The following KIF3B variants were observed in gnomAD, a reference collection of about 807,000 sequenced individuals.
KIF3B encodes kinesin family member 3B.
KIF3B carries 38 observed loss-of-function variants against 74.3 expected under a neutral mutation model. The observed-to-expected ratio is 0.51, with a 90% confidence interval of 0.39 to 0.67. The LOEUF (loss-of-function observed/expected upper bound fraction) is 0.67. KIF3B is among the 30% of genes least tolerant of loss of function. The probability of loss-of-function intolerance (pLI) is 0.00; values close to 1 mark genes in which losing one functional copy is unlikely to be tolerated. For synonymous variants in KIF3B, 326 were observed against 342.5 expected (o/e 0.95, Z 0.53); for missense variants, 649 against 932.0 (o/e 0.70, Z 3.95).
chr20:32,320,520 G>GT (rs779283206), intron 5 of KIF3B, among the ~76,000 whole-genome samples: 5,418 of 135,238 alleles, frequency 0.04, 292 homozygotes, highest in African/African-American at 0.13. Flanking sequence ...TGTTTTGTTA[G>GT]TTTTTTTTTT....
rs184538709 is a variant in KIF3B, at chr20:32,307,016, C to T, written c.-65-2697C>T. 7.8e-4 allele frequency among the ~76,000 whole-genome samples: 118 copies of T among 152,210 alleles called. 1 individual carries two copies. Among genetic ancestry groups the T allele is most frequent in the African/African-American group, 2.7e-3 (112 of 41,530 alleles). On this transcript the variant is annotated intron_variant, in intron 1 of 8. Coordinates refer to ENST00000375712, the MANE Select transcript of KIF3B (RefSeq NM_004798.4). ...GTATTCATATCAAGCATATAACATGCATATATCCCCCCTTTTCTTATGTAA... is the reference window on the plus strand; with the variant it reads ...GTATTCATATCAAGCATATAACATGTATATATCCCCCCTTTTCTTATGTAA...
rs533318359 is a variant in KIF3B, at chr20:32,277,663, C to A, written c.-168C>A. 2 of 236,718 alleles carry A rather than the reference C, an allele frequency of 8.4e-6. No individual in the cohort carries two copies. The highest frequency in any genetic ancestry group is 1.0e-4 in the East Asian group (1 of 9,746). 14.7% of individuals were successfully genotyped at this position (236,718 alleles called of 1,614,324 possible). On this transcript the variant is annotated 5_prime_UTR_variant, in exon 1 of 9. Transcript: ENST00000375712. ...GAAGTGAGCGGCCACTGTCTCTCCC[C>A]ATCCGGGGCAGCGGGGAATGGCTGA...
chr20:32,289,738 AG>A (rs1277726212), intron 1 of KIF3B, among the ~76,000 whole-genome samples: 1 of 152,224 alleles, frequency 6.6e-6, no homozygotes, highest in African/African-American at 2.4e-5. Flanking sequence ...AAAAACGTTA[AG>A]TAAATAATAG....
chr20:32,322,670 A>ATT lies in KIF3B; in HGVS notation c.1749-4099_1749-4098dup, dbSNP rs1398367777. On this transcript the variant is annotated intron_variant, in intron 5 of 8. Coordinates refer to ENST00000375712, the MANE Select transcript of KIF3B (RefSeq NM_004798.4). ...TATATTTTTATATATTTATATATAT[A>ATT]TTTATATATTTATATATATTTATAT... Among the ~76,000 whole-genome samples the ATT allele has an allele frequency of 1.2e-4, 6 of 51,970 alleles. 1 individual carries two copies. The African/African-American group carries it at 1.2e-3, about 11-fold the overall frequency. 34.1% of individuals were successfully genotyped at this position (51,970 alleles called of 152,430 possible).
intron 5 of KIF3B, among the ~76,000 whole-genome samples, chr20:32,322,974 A>ACATATT (rs1249442558): frequency 5.0e-4 from 7 of 13,904 alleles, no homozygotes; most frequent in Non-Finnish European, 6.2e-4. Flanking sequence ...ATTTATATAT[A>ACATATT]TACACATATT....
chr20:32,285,071 A>T (rs2047661076), intron 1 of KIF3B, among the ~76,000 whole-genome samples: 1 of 144,846 alleles, frequency 6.9e-6, no homozygotes, highest in South Asian at 2.3e-4. Context: ...TCTCTTCCAT[A>T]CCTGCATAAC....
chr20:32,285,925 A>C (rs528958833), intron 1 of KIF3B, among the ~76,000 whole-genome samples: 25 of 152,336 alleles, frequency 1.6e-4, no homozygotes, highest in Middle Eastern at 6.8e-3. Context: ...TCATGGTGAC[A>C]CATTGTGTCT....
chr20:32,277,703 G>GC lies in KIF3B; in HGVS notation c.-123dup. On this transcript the variant is annotated 5_prime_UTR_variant, in exon 1 of 9. It removes the in-frame stop codon of an upstream open reading frame in the 5' UTR. Transcript: ENST00000375712. ...GGAATGGCTGAGCCAGGGGTTCGCC[G>GC]CCCCCGCCGCCGCCGCCGCCGCCGC... 3.8e-6 allele frequency: 1 copy of GC among 263,604 alleles called. No homozygotes were observed. Among genetic ancestry groups the GC allele is most frequent in the Non-Finnish European group, 6.9e-6 (1 of 145,380 alleles). The allele number at this position is 263,604 out of a possible 1,614,324, so 16.3% of individuals were successfully genotyped here.
chr20:32,292,680 C>T (rs777818108), intron 1 of KIF3B, among the ~76,000 whole-genome samples: 4 of 151,316 alleles, frequency 2.6e-5, no homozygotes, highest in South Asian at 2.1e-4. Context: ...ATTGCTTGAG[C>T]GAGGAGTTCG....
At position 32,326,896 on chromosome 20, in the gene KIF3B, T is replaced by C; in HGVS notation, c.1862+12T>C. The C allele has an allele frequency of 8.0e-7, 1 of 1,243,994 alleles. No individual in the cohort carries two copies. Among genetic ancestry groups the C allele is most frequent in the Non-Finnish European group, 1.2e-6 (1 of 862,054 alleles). The allele number at this position is 1,243,994 out of a possible 1,614,324, so 77.1% of individuals were successfully genotyped here. On this transcript the variant is annotated intron_variant, in intron 6 of 8. Coordinates refer to ENST00000375712, the MANE Select transcript of KIF3B (RefSeq NM_004798.4). Reference sequence around the variant, plus strand: ...ATAACCAGACTGGAGTAAGTCACTATTAACTTCAAGTATATTTTCAAGTAT... The same window carrying C: ...ATAACCAGACTGGAGTAAGTCACTACTAACTTCAAGTATATTTTCAAGTAT...
At chr20:32,278,775 C>T (rs560291275) in intron 1 of KIF3B, among the ~76,000 whole-genome samples, 14 of 152,246 alleles carry the variant, frequency 9.2e-5, no homozygotes, top group Admixed American at 6.5e-4. Flanking sequence ...TATTTACAAG[C>T]ATATGATTAA....
intron 1 of KIF3B, among the ~76,000 whole-genome samples, chr20:32,309,282 T>C (rs1387870727): frequency 6.6e-6 from 1 of 151,534 alleles, no homozygotes; most frequent in Non-Finnish European, 1.5e-5. Context: ...ATCCTCTGGC[T>C]TCAGCCTCCT....
intron 5 of KIF3B, among the ~76,000 whole-genome samples, chr20:32,322,801 T>C (rs866557436): frequency 4.3e-3 from 275 of 64,166 alleles, no homozygotes; most frequent in African/African-American, 0.02. Context: ...TATATATATA[T>C]TTATATATAT....
chr20:32,310,724 A>C lies in KIF3B; in HGVS notation c.947A>C (p.Asn316Thr). Residue 316 changes from asparagine (N) to threonine (T), a missense_variant, in exon 2 of 9, where the codon AAC becomes ACC. By Grantham distance (65) the Asn-to-Thr change is moderately conservative (BLOSUM62 0). This residue lies in a region of KIF3B where 363 missense variants were observed against 592.8 expected (regional missense o/e 0.61). Coordinates refer to ENST00000375712, the MANE Select transcript of KIF3B (RefSeq NM_004798.4). The surrounding 1 kb of genome is among the most constrained non-coding windows in gnomAD (Gnocchi z 6.5). ...AATGCCAAGACTGTGATGGTGGCCA[A>C]CGTGGGGCCTGCCTCTTACAACGTA... Reference protein sequence around the residue: ...GGNAKTVMVANVGPASYNVEE... With the variant: ...GGNAKTVMVATVGPASYNVEE... 1.2e-6 allele frequency: 2 copies of C among 1,614,210 alleles called. No individual in the cohort carries two copies. The highest frequency in any genetic ancestry group is 1.7e-6 in the Non-Finnish European group (2 of 1,180,042).
intron 7 of KIF3B, 48 bp from the exon 8 acceptor site, chr20:32,330,093 G>A (rs750999042): frequency 1.3e-6 from 2 of 1,561,494 alleles, no homozygotes; most frequent in South Asian, 1.2e-5. Flanking sequence ...TGTACTGCCT[G>A]TGTCCAGTTG....
At chr20:32,322,602 C>T (rs1252550411) in intron 5 of KIF3B, among the ~76,000 whole-genome samples, 4 of 118,384 alleles carry the variant, frequency 3.4e-5, no homozygotes, top group East Asian at 2.4e-4. Flanking sequence ...AGCGAGAATC[C>T]GTCTCAAAAA....
At chr20:32,317,004 G>C (rs535142200) in intron 5 of KIF3B, 130 bp downstream of exon 5, 2 of 693,268 alleles carry the variant, frequency 2.9e-6, no homozygotes, top group East Asian at 5.5e-5. Flanking sequence ...GGGAAGCGGA[G>C]GCGGGCAGAT....
chr20:32,314,069 T>C (rs1245273853), intron 2 of KIF3B, among the ~76,000 whole-genome samples: 1 of 152,148 alleles, frequency 6.6e-6, no homozygotes, highest in East Asian at 1.9e-4. Context: ...GATCTGTTAT[T>C]CAAGGCCAGG....
At chr20:32,278,370 T>C (rs1467330281) in intron 1 of KIF3B, among the ~76,000 whole-genome samples, 1 of 152,060 alleles carries the variant, frequency 6.6e-6, no homozygotes, top group Non-Finnish European at 1.5e-5. Context: ...ATCTGTGAAA[T>C]GAGGTAATAG....
Sources: allele counts gnomAD v4.1 joint callset (sites outside exome capture counted in the v4.1 genomes callset), GRCh38; gene constraint gnomAD v4.1.1; regional missense constraint gnomAD v4.1.1; non-coding constraint Gnocchi (gnomAD v3.1); transcripts MANE v1.5; gene names NCBI Gene and HGNC (gene_info 2026-07-23, HGNC 2026-07-21).